The following CFAP299 variants were observed in gnomAD, a reference collection of about 807,000 sequenced individuals.
The protein encoded by CFAP299 is cilia and flagella associated protein 299.
CFAP299 carries 21 observed loss-of-function variants against 27.0 expected under a neutral mutation model. The observed-to-expected ratio is 0.78, with a 90% confidence interval of 0.55 to 1.12. CFAP299 has a LOEUF of 1.12. Ranked by LOEUF, CFAP299 falls within the 50% of genes most tolerant of loss-of-function variation. The pLI, the probability that CFAP299 is intolerant of heterozygous loss-of-function variation, is 0.00. For synonymous variants in CFAP299, 104 were observed against 98.1 expected (o/e 1.06, Z -0.36); for missense variants, 310 against 276.6 (o/e 1.12, Z -0.86).
intron 4 of CFAP299, among the ~76,000 whole-genome samples, chr4:80,943,840 G>A (rs2110230061): frequency 6.6e-6 from 1 of 152,124 alleles, no homozygotes; most frequent in South Asian, 2.1e-4. Flanking sequence ...AGGCCAAGGT[G>A]GGCAGATCAC....
At chr4:80,925,683 A>G (rs553073533) in intron 4 of CFAP299, among the ~76,000 whole-genome samples, 2 of 152,190 alleles carry the variant, frequency 1.3e-5, no homozygotes, top group East Asian at 3.9e-4. Context: ...GAAAAAAAAG[A>G]CTAAAGATGA....
intron 2 of CFAP299, among the ~76,000 whole-genome samples, chr4:80,381,956 G>A (rs892467195): frequency 1.3e-5 from 2 of 152,062 alleles, no homozygotes; most frequent in African/African-American, 4.8e-5. Flanking sequence ...AGAATTTGAG[G>A]CAATTAACAA....
chr4:80,456,551 A>C (rs1199934071), intron 2 of CFAP299, among the ~76,000 whole-genome samples: 1 of 152,156 alleles, frequency 6.6e-6, no homozygotes, highest in Non-Finnish European at 1.5e-5. Context: ...ATGAGATATG[A>C]GGAAGAAGAT....
intron 3 of CFAP299, among the ~76,000 whole-genome samples, chr4:80,812,613 A>G (rs1729213677): frequency 6.6e-6 from 1 of 152,126 alleles, no homozygotes; most frequent in Admixed American, 6.6e-5. Context: ...TTTATGAACT[A>G]ATGTAGAACT....
At chr4:80,628,013 T>A (rs963081365) in intron 3 of CFAP299, among the ~76,000 whole-genome samples, 3 of 151,890 alleles carry the variant, frequency 2.0e-5, no homozygotes, top group Admixed American at 6.6e-5. Context: ...TAACAAAAAA[T>A]TCCTGAAAAG....
At chr4:80,724,075 C>G (rs1723000909) in intron 3 of CFAP299, among the ~76,000 whole-genome samples, 2 of 152,028 alleles carry the variant, frequency 1.3e-5, no homozygotes, top group South Asian at 2.1e-4. Context: ...AACTCTGTAG[C>G]TCTCTAATGT....
intron 3 of CFAP299, among the ~76,000 whole-genome samples, chr4:80,769,337 A>G (rs1026369567): frequency 3.3e-5 from 5 of 152,164 alleles, no homozygotes; most frequent in African/African-American, 9.7e-5. Context: ...CTCGTTGGGT[A>G]TATTCATTTT....
rs115323329 is a variant in CFAP299, at chr4:80,838,514, G to A, written c.334-31479G>A. The stretch of plus-strand genomic sequence containing the variant: ...ATTTTCCAACACCATTTATGAAATA[G>A]GGACTCCTTTCCCCCATTGCTTGCT... On this transcript the variant is annotated intron_variant, in intron 3 of 5. Coordinates refer to ENST00000358105, the MANE Select transcript of CFAP299 (RefSeq NM_152770.3). Among the ~76,000 whole-genome samples the A allele has an allele frequency of 3.6e-3, 554 of 152,176 alleles. 3 individuals are homozygous for A. The highest frequency in any genetic ancestry group is 0.013 in the African/African-American group (540 of 41,516).
chr4:80,449,902 C>T (rs1728816190), intron 2 of CFAP299, among the ~76,000 whole-genome samples: 1 of 152,044 alleles, frequency 6.6e-6, no homozygotes, highest in Admixed American at 6.6e-5. Context: ...AGAAAGTTAT[C>T]TAATTCACAA....
chr4:80,519,696 G>A (rs1732805133), intron 2 of CFAP299, among the ~76,000 whole-genome samples: 1 of 152,156 alleles, frequency 6.6e-6, no homozygotes, highest in South Asian at 2.1e-4. Flanking sequence ...CCTAAGTGCA[G>A]AAAGGAGGTG....
At chr4:80,957,082 A>G (rs1193745318) in intron 5 of CFAP299, among the ~76,000 whole-genome samples, 3 of 152,146 alleles carry the variant, frequency 2.0e-5, no homozygotes. Flanking sequence ...ATACATTTAA[A>G]TCTGTAATTC....
At chr4:80,825,828 C>T (rs1024484609) in intron 3 of CFAP299, among the ~76,000 whole-genome samples, 9 of 151,802 alleles carry the variant, frequency 5.9e-5, no homozygotes, top group Non-Finnish European at 1.0e-4. Flanking sequence ...GACAGGTAAA[C>T]ATATGAACAT....
At chr4:80,623,403 T>C (rs965371667) in intron 3 of CFAP299, among the ~76,000 whole-genome samples, 3 of 152,010 alleles carry the variant, frequency 2.0e-5, no homozygotes, top group African/African-American at 7.2e-5. Context: ...CAAAAATAAT[T>C]AGACATGTAT....
the CFAP299 span, among the ~76,000 whole-genome samples, chr4:80,323,396 A>G: frequency 4.6e-5 from 7 of 152,264 alleles, no homozygotes; most frequent in Non-Finnish European, 8.8e-5. Context: ...CAGTACAGAA[A>G]GTAAGACAAA....
At chr4:80,402,818 A>G (rs1470299064) in intron 2 of CFAP299, among the ~76,000 whole-genome samples, 2 of 152,188 alleles carry the variant, frequency 1.3e-5, no homozygotes, top group African/African-American at 4.8e-5. Context: ...ACATTATTCC[A>G]TGTATTCTCA....
chr4:80,475,582 T>C (rs1485334225), intron 2 of CFAP299, among the ~76,000 whole-genome samples: 1 of 152,192 alleles, frequency 6.6e-6, no homozygotes, highest in Non-Finnish European at 1.5e-5. Context: ...GAATGGGCTC[T>C]TCTAGGGGCT....
At chr4:80,390,695 GTA>G (rs1304269373) in intron 2 of CFAP299, among the ~76,000 whole-genome samples, 2 of 139,434 alleles carry the variant, frequency 1.4e-5, no homozygotes, top group African/African-American at 5.4e-5. Context: ...ACATATATGT[GTA>G]TATATGTATA....
chr4:80,551,115 T>G (rs766762495), intron 2 of CFAP299, among the ~76,000 whole-genome samples: 2 of 152,198 alleles, frequency 1.3e-5, no homozygotes, highest in African/African-American at 2.4e-5. Flanking sequence ...ACTGTTCAAC[T>G]AAAGTATATA....
chr4:80,573,020 G>A (rs747257915), intron 2 of CFAP299, among the ~76,000 whole-genome samples: 5 of 152,028 alleles, frequency 3.3e-5, no homozygotes, highest in Non-Finnish European at 7.4e-5. Flanking sequence ...TGATACCTCT[G>A]TTTTTAGTTT....
Sources: gnomAD v4.1 joint callset for allele counts (sites outside exome capture counted in the v4.1 genomes callset) on GRCh38, gnomAD v4.1.1 for gene constraint, MANE v1.5 for transcripts, NCBI Gene and HGNC (gene_info 2026-07-23, HGNC 2026-07-21) for gene names.